FRMD8: variants seen among roughly 807,000 people sequenced by gnomAD.
FRMD8 encodes FERM domain containing 8.
Under a neutral mutation model 54.2 loss-of-function variants are expected in FRMD8, and 37 were observed. That is an observed-to-expected ratio of 0.68 (90% CI 0.53 to 0.90). FRMD8 has a LOEUF of 0.90. Among genes scored for constraint, FRMD8 ranks in the 40% least tolerant of loss-of-function variants. The probability of loss-of-function intolerance (pLI) is 0.00; values close to 1 mark genes in which losing one functional copy is unlikely to be tolerated. For synonymous variants in FRMD8, 246 were observed against 286.9 expected (o/e 0.86, Z 1.44); for missense variants, 585 against 653.7 (o/e 0.89, Z 1.15).
At chr11:65,408,208 G>T (rs896485025) in intron 10 of FRMD8, among the ~76,000 whole-genome samples, 1 of 151,310 alleles carries the variant, frequency 6.6e-6, no homozygotes, top group African/African-American at 2.4e-5. Context: ...CCAAGTATCT[G>T]GGATTACAGG....
At chr11:65,394,924 T>C (rs1421801265) in intron 6 of FRMD8, among the ~76,000 whole-genome samples, 1 of 152,250 alleles carries the variant, frequency 6.6e-6, no homozygotes, top group Non-Finnish European at 1.5e-5. Flanking sequence ...CTGGTCTCCA[T>C]GGAGGATTAT....
In FRMD8 at chr11:65,391,207, G is replaced by A. The variant is rs371118920; in HGVS notation, c.253+1679G>A. On this transcript the variant is annotated intron_variant, in intron 3 of 10. Transcript: ENST00000317568. ...TGGAACAGGGCTCCAGGGCCCTTCC[G>A]TCCCATTTGGATAGCAGCCTCCAGG... Among the ~76,000 whole-genome samples, 7 of 152,334 alleles carry A rather than the reference G, an allele frequency of 4.6e-5. No homozygotes were observed. In the East Asian group the frequency reaches 7.7e-4, roughly 17 times the overall value.
At chr11:65,393,520 A>G in intron 3 of FRMD8, 53 bp from the exon 4 acceptor site, 2 of 1,355,440 alleles carry the variant, frequency 1.5e-6, no homozygotes, top group South Asian at 1.2e-5. Context: ...GTGGAAGGGC[A>G]GCCACTGGAC....
chr11:65,380,738 GGGGGAGGT>G, the FRMD8 span: 1 of 511,586 alleles, frequency 2.0e-6, no homozygotes, highest in Non-Finnish European at 3.1e-6. Flanking sequence ...TCTGGAGTTT[GGGGGAGGT>G]CGCACCCCCA....
At chr11:65,387,624 C>A (rs180839780) in intron 2 of FRMD8, among the ~76,000 whole-genome samples, 1 of 152,092 alleles carries the variant, frequency 6.6e-6, no homozygotes, top group Admixed American at 6.5e-5. Flanking sequence ...CTGCAAGCCC[C>A]GCCTTCGGGG....
At chr11:65,411,151 C>T (rs1451072115) in intron 10 of FRMD8, 91 bp from the exon 11 acceptor site, 6 of 1,057,356 alleles carry the variant, frequency 5.7e-6, no homozygotes, top group Admixed American at 4.8e-5. Flanking sequence ...AAGGAGCCGT[C>T]GCGCTGGAGC....
chr11:65,380,774 G>T, the FRMD8 span: 13 of 355,816 alleles, frequency 3.7e-5, no homozygotes, highest in Non-Finnish European at 7.1e-5. Context: ...GGTTCAGAAC[G>T]TCCCTCTCTT....
intron 5 of FRMD8, 64 bp from the exon 6 acceptor site, chr11:65,394,195 C>T: frequency 6.3e-7 from 1 of 1,594,390 alleles, no homozygotes; most frequent in Non-Finnish European, 8.5e-7. Context: ...TGCCCCAGCC[C>T]AACTGAGCAG....
At position 65,394,341 on chromosome 11, in the gene FRMD8, AG is replaced by A; in HGVS notation, c.499del (p.Asp167ThrfsTer27). 6.3e-7 allele frequency: 1 copy of A among 1,583,174 alleles called. No homozygotes were observed. The highest frequency in any genetic ancestry group is 8.6e-7 in the Non-Finnish European group (1 of 1,165,162). On this transcript the variant is annotated frameshift_variant, in exon 6 of 11. Coordinates refer to ENST00000317568, the MANE Select transcript of FRMD8 (RefSeq NM_031904.5). LOFTEE classifies it high-confidence loss of function. ...GCTGCACGGTACCCGTGCGACGTGG[AG>A]GACTGCGAGGCTCTGGGCGCCCTGG... ...VLAARYPCDV[E>X]DCEALGALVC...
At position 65,404,894 on chromosome 11, in the gene FRMD8, T is replaced by C; in HGVS notation, c.1102T>C (p.Cys368Arg). ...ACTGATGAGCAGTCTCATTGAGTAC[T>C]GCATCGAACTGAGCCAGGCGGCGGA... The part of the protein sequence containing the change: ...AELMSSLIEY[C>R]IELSQAAEPA... The change falls in exon 10 of 11, where the codon TGC (cysteine) becomes CGC (arginine). Residue 368 changes from cysteine (C) to arginine (R), a missense_variant. Coordinates refer to ENST00000317568, the MANE Select transcript of FRMD8 (RefSeq NM_031904.5). This position sits in a 1 kb window ranked among gnomAD's most constrained non-coding sequence, Gnocchi z 4.7. 6.2e-7 allele frequency: 1 copy of C among 1,613,200 alleles called. No homozygotes were observed. Among genetic ancestry groups the C allele is most frequent in the Middle Eastern group, 1.7e-4 (1 of 6,056 alleles).
chr11:65,410,147 C>T (rs1380654399), intron 10 of FRMD8, among the ~76,000 whole-genome samples: 4 of 152,030 alleles, frequency 2.6e-5, no homozygotes, highest in Non-Finnish European at 5.9e-5. Context: ...AGGTGGATCA[C>T]GAAGTCAGGA....
At chr11:65,368,412 T>C in the FRMD8 span, among the ~76,000 whole-genome samples, 2 of 151,980 alleles carry the variant, frequency 1.3e-5, no homozygotes, top group African/African-American at 2.4e-5. Flanking sequence ...GGTCTCGCTA[T>C]GTTTTCCAGG....
the FRMD8 span, among the ~76,000 whole-genome samples, chr11:65,374,461 G>A: frequency 6.7e-6 from 1 of 149,576 alleles, no homozygotes; most frequent in African/African-American, 2.4e-5. Flanking sequence ...TCTCTGAGCC[G>A]AGGCTGCCTC....
intron 9 of FRMD8, among the ~76,000 whole-genome samples, chr11:65,401,177 C>T (rs1856070064): frequency 6.6e-6 from 1 of 152,092 alleles, no homozygotes; most frequent in Non-Finnish European, 1.5e-5. Context: ...TCCCCAAGAC[C>T]AGTGCTGTTG....
Position 65,404,725 on chromosome 11 carries a change from GCC to G in FRMD8, c.1072-138_1072-137del. 1.5e-6 allele frequency: 1 copy of G among 687,708 alleles called. No homozygotes were observed. Among genetic ancestry groups the G allele is most frequent in the Non-Finnish European group, 2.5e-6 (1 of 404,136 alleles). The allele number at this position is 687,708 out of a possible 1,614,324, so 42.6% of individuals were successfully genotyped here. ...GTCACCCAAGTGGGACACCTCCCCT[GCC>G]TCCCTGCTCCCTCCCTCCTGAGTGA... On this transcript the variant is annotated intron_variant, in intron 9 of 10. Transcript: ENST00000317568. This position sits in a 1 kb window ranked among gnomAD's most constrained non-coding sequence, Gnocchi z 4.7.
At chr11:65,406,489 C>T (rs1193155339) in intron 10 of FRMD8, among the ~76,000 whole-genome samples, 1 of 144,122 alleles carries the variant, frequency 6.9e-6, no homozygotes, top group Non-Finnish European at 1.5e-5. Context: ...CCACTGCACC[C>T]GGCCCTAATT....
At chr11:65,389,201 C>G (rs182152427) in intron 2 of FRMD8, among the ~76,000 whole-genome samples, 160 bp from the exon 3 acceptor site, 232 of 152,296 alleles carry the variant, frequency 1.5e-3, no homozygotes, top group African/African-American at 5.3e-3. Context: ...TGGGGCTCTG[C>G]CTCTGGCGAG....
chr11:65,388,179 A>C (rs1855771431), intron 2 of FRMD8, among the ~76,000 whole-genome samples: 1 of 151,932 alleles, frequency 6.6e-6, no homozygotes, highest in East Asian at 2.0e-4. Flanking sequence ...AAAAAAAAAA[A>C]CAGGGATCAT....
chr11:65,376,137 T>C, the FRMD8 span: 1 of 536,338 alleles, frequency 1.9e-6, no homozygotes, highest in African/African-American at 1.9e-5. Context: ...CCAGCACCAC[T>C]TGCCAGCTCA....
Sources: allele counts gnomAD v4.1 joint callset (sites outside exome capture counted in the v4.1 genomes callset), GRCh38; gene constraint gnomAD v4.1.1; non-coding constraint Gnocchi (gnomAD v3.1); transcripts MANE v1.5; gene names NCBI Gene and HGNC (gene_info 2026-07-23, HGNC 2026-07-21).